The following DAB1 variants were observed in gnomAD, a reference collection of about 807,000 sequenced individuals.
DAB1 encodes DAB adaptor protein 1, also known as disabled homolog 1.
A neutral mutation model predicts 64.6 loss-of-function variants in DAB1; 15 were observed. The ratio of observed to expected loss-of-function variants is 0.23; its 90% confidence interval spans 0.16 to 0.36. The LOEUF (loss-of-function observed/expected upper bound fraction) is 0.36, where lower values mean the gene tolerates loss of function less well. Among genes scored for constraint, DAB1 ranks in the 10% least tolerant of loss-of-function variants. The probability of loss-of-function intolerance (pLI) is 1.00; values close to 1 mark genes in which losing one functional copy is unlikely to be tolerated. For missense variants in DAB1, 596 were observed against 706.7 expected, an observed-to-expected ratio of 0.84 and a Z score of 1.78; for synonymous variants, 235 against 251.9, an observed-to-expected ratio of 0.93 and a Z score of 0.64.
At chr1:57,775,295 T>G (rs929350416) in intron 6 of DAB1, among the ~76,000 whole-genome samples, 1 of 151,622 alleles carries the variant, frequency 6.6e-6, no homozygotes, top group Non-Finnish European at 1.5e-5. Context: ...ATTATTATTT[T>G]TTCTTTCAGT....
chr1:57,226,670 A>T (rs535694782), intron 2 of DAB1, among the ~76,000 whole-genome samples: 10 of 119,468 alleles, frequency 8.4e-5, no homozygotes, highest in South Asian at 5.8e-4. Flanking sequence ...GGTTAAAAAA[A>T]AAATATATAT....
At chr1:58,488,963 G>A (rs548565135) in intron 3 of DAB1, among the ~76,000 whole-genome samples, 46 of 152,334 alleles carry the variant, frequency 3.0e-4, no homozygotes, top group African/African-American at 1.0e-3. Context: ...TATTCCTGCT[G>A]GAGCCAAGAT....
intron 2 of DAB1, among the ~76,000 whole-genome samples, chr1:57,146,218 AT>A (rs1197455794): frequency 6.6e-6 from 1 of 152,290 alleles, no homozygotes; most frequent in African/African-American, 2.4e-5. Context: ...AACCATTTCC[AT>A]TTTCCAGATG....
intron 3 of DAB1, among the ~76,000 whole-genome samples, chr1:58,492,693 A>C (rs1557439730): frequency 6.6e-6 from 1 of 152,214 alleles, no homozygotes; most frequent in Non-Finnish European, 1.5e-5. Context: ...CTGGACACAT[A>C]CAGTCTCCCA....
chr1:57,505,242 C>A (rs1026733696), intron 7 of DAB1, among the ~76,000 whole-genome samples: 11 of 152,220 alleles, frequency 7.2e-5, no homozygotes, highest in South Asian at 4.1e-4. Context: ...TAAAAAGTTT[C>A]TTTTTCTTTA....
chr1:57,992,557 G>A (rs1189974672), intron 5 of DAB1, among the ~76,000 whole-genome samples: 2 of 152,134 alleles, frequency 1.3e-5, no homozygotes, highest in African/African-American at 4.8e-5. Flanking sequence ...TGGCATCTAG[G>A]TGTTTATGAT....
At chr1:57,888,590 C>T (rs1176271064), upstream of DAB1, among the ~76,000 whole-genome samples, 2 of 152,190 alleles carry the variant, frequency 1.3e-5, no homozygotes, top group African/African-American at 2.4e-5. Flanking sequence ...TTGGTGAGGG[C>T]GATTAAGAAT....
intron 2 of DAB1, among the ~76,000 whole-genome samples, chr1:57,157,570 AAG>A (rs34642210): frequency 0.32 from 47,137 of 147,340 alleles, 7,539 homozygotes; most frequent in Middle Eastern, 0.41. Context: ...TGCACTGAGA[AAG>A]AGAGAGAGAG....
intron 6 of DAB1, among the ~76,000 whole-genome samples, chr1:57,691,311 A>C (rs531559729): frequency 6.6e-6 from 1 of 152,256 alleles, no homozygotes; most frequent in South Asian, 2.1e-4. Flanking sequence ...CTCACCAATC[A>C]GTACTCTGTG....
chr1:57,963,988 A>T (rs1645591184), intron 5 of DAB1, among the ~76,000 whole-genome samples: 1 of 152,206 alleles, frequency 6.6e-6, no homozygotes, highest in Non-Finnish European at 1.5e-5. Flanking sequence ...TTTGCCTTTC[A>T]TTAGAAACAC....
At chr1:57,088,814 G>T (rs937047503) in intron 4 of DAB1, among the ~76,000 whole-genome samples, 1 of 152,218 alleles carries the variant, frequency 6.6e-6, no homozygotes, top group Non-Finnish European at 1.5e-5. Context: ...ATGTCCAGCT[G>T]TGTTTATCTT....
chr1:58,009,925 GT>G (rs1557608123), intron 5 of DAB1, among the ~76,000 whole-genome samples: 1 of 152,122 alleles, frequency 6.6e-6, no homozygotes, highest in Non-Finnish European at 1.5e-5. Context: ...TAAATGCTTG[GT>G]TTTTATCAAT....
intron 9 of DAB1, among the ~76,000 whole-genome samples, chr1:57,052,246 C>T (rs1481258420): frequency 6.6e-6 from 1 of 152,096 alleles, no homozygotes; most frequent in Non-Finnish European, 1.5e-5. Flanking sequence ...ACCTTATATT[C>T]TTAGTACATA....
rs975619011 is a variant in DAB1 at position 57,090,236 on chromosome 1, A to T, written c.307-17822T>A. 2.0e-5 allele frequency among the ~76,000 whole-genome samples: 3 copies of T among 152,202 alleles called. No homozygotes were observed. The East Asian group carries it at 5.8e-4, about 29-fold the overall frequency. ...CCAAGAGCATCTGGGAAGCAGAAGG[A>T]TTAGCGAGGAGCCCTTAATTGCAGC... is the stretch of plus-strand genomic sequence containing the variant. On this transcript the variant is annotated intron_variant, in intron 4 of 14. Coordinates refer to ENST00000371236, the MANE Select transcript of DAB1 (RefSeq NM_001365792.1).
chr1:58,374,246 T>C (rs1388100343), intron 3 of DAB1, among the ~76,000 whole-genome samples: 1 of 130,522 alleles, frequency 7.7e-6, no homozygotes. Context: ...GGACATGAAG[T>C]CCTTGCCCAT....
chr1:57,029,421 A>G (rs1463717587), intron 9 of DAB1, among the ~76,000 whole-genome samples: 1 of 152,194 alleles, frequency 6.6e-6, no homozygotes, highest in Non-Finnish European at 1.5e-5. Flanking sequence ...GTGTGGTCAG[A>G]GCCTCCATAC....
chr1:57,934,499 C>T (rs1335827425), intron 5 of DAB1, among the ~76,000 whole-genome samples: 1 of 152,116 alleles, frequency 6.6e-6, no homozygotes, highest in Non-Finnish European at 1.5e-5. Flanking sequence ...TGCCAAGGAT[C>T]CTTCCAAGCA....
rs190013523 is a variant in DAB1, at chr1:57,372,763, T to C, written c.-137+51167A>G. On this transcript the variant is annotated intron_variant, in intron 1 of 14. Coordinates refer to ENST00000371236, the MANE Select transcript of DAB1 (RefSeq NM_001365792.1). ...ATTATCTTATAATAGTATGATATTTTCCTCAAGAACTCTTTCTGTTTATAC... is the reference window on the plus strand; with the variant it reads ...ATTATCTTATAATAGTATGATATTTCCCTCAAGAACTCTTTCTGTTTATAC... 1.7e-4 allele frequency among the ~76,000 whole-genome samples: 26 copies of C among 152,318 alleles called. No individual in the cohort carries two copies. The East Asian group carries it at 4.2e-3, about 25-fold the overall frequency.
chr1:58,361,863 C>CTTTTTT lies in DAB1; in HGVS notation n.258-18466_258-18461dup, dbSNP rs34029239. On this transcript the variant is annotated intron_variant and non_coding_transcript_variant, in intron 3 of 20. Coordinates refer to the DAB1 transcript ENST00000485760. The stretch of plus-strand genomic sequence containing the variant: ...TAACATCCCACCATCAAAGATCCCC[C>CTTTTTT]TTTTTTTTTTTTTTTTTTTTTTTTG... Among the ~76,000 whole-genome samples, 132 of 84,044 alleles carry CTTTTTT rather than the reference C, an allele frequency of 1.6e-3. 2 individuals carry two copies. The highest frequency in any genetic ancestry group is 5.2e-3 in the Admixed American group (27 of 5,210). The allele number at this position is 84,044 out of a possible 152,430, so 55.1% of individuals were successfully genotyped here.
Sources: gnomAD v4.1 joint callset for allele counts (sites outside exome capture counted in the v4.1 genomes callset) on GRCh38, gnomAD v4.1.1 for gene constraint, MANE v1.5 for transcripts, NCBI Gene and HGNC (gene_info 2026-07-23, HGNC 2026-07-21) for gene names.